Variants in ATXN1 observed in about 807,000 individuals in gnomAD.
ATXN1 encodes the protein ataxin 1.
ATXN1 carries 8 observed loss-of-function variants against 56.4 expected under a neutral mutation model. The ratio of observed to expected loss-of-function variants is 0.14; its 90% CI spans 0.08 to 0.26. The LOEUF (loss-of-function observed/expected upper bound fraction) is 0.26, where lower values mean the gene tolerates loss of function less well. ATXN1 is among the 10% of genes least tolerant of loss of function. The pLI is 1.00. For synonymous variants in ATXN1, 514 were observed against 494.6 expected, an observed-to-expected ratio of 1.04 and a Z score of -0.52; for missense variants, 987 against 1,106.5, an observed-to-expected ratio of 0.89 and a Z score of 1.53.
chr6:16,684,949 T>A (rs1036554671), intron 2 of ATXN1, among the ~76,000 whole-genome samples: 1 of 151,612 alleles, frequency 6.6e-6, no homozygotes, highest in Non-Finnish European at 1.5e-5. Context: ...GAAGCACAAG[T>A]GAGTGAAATT....
intron 6 of ATXN1, among the ~76,000 whole-genome samples, chr6:16,469,814 T>C (rs1462641013): frequency 6.6e-6 from 1 of 151,814 alleles, no homozygotes; most frequent in East Asian, 1.9e-4. Flanking sequence ...AAATACAAAA[T>C]TAGCCTGGTG....
At chr6:16,702,203 T>C (rs549595806) in intron 2 of ATXN1, among the ~76,000 whole-genome samples, 61 of 152,304 alleles carry the variant, frequency 4.0e-4, no homozygotes, top group Non-Finnish European at 1.8e-4. Context: ...TATCCGATCT[T>C]TGACAAACCT....
intron 7 of ATXN1, among the ~76,000 whole-genome samples, chr6:16,308,743 G>C (rs185054322): frequency 2.0e-5 from 3 of 152,268 alleles, no homozygotes; most frequent in Admixed American, 1.3e-4. Context: ...TTTAAAAAAG[G>C]GGGGTGGTGG....
At chr6:16,524,674 C>A (rs1209787533) in intron 4 of ATXN1, among the ~76,000 whole-genome samples, 1 of 152,200 alleles carries the variant, frequency 6.6e-6, no homozygotes, top group African/African-American at 2.4e-5. Flanking sequence ...AACAAAAAGG[C>A]ATTATCACCA....
At chr6:16,693,962 T>C (rs907588972) in intron 2 of ATXN1, among the ~76,000 whole-genome samples, 11 of 152,220 alleles carry the variant, frequency 7.2e-5, no homozygotes, top group African/African-American at 2.4e-4. Context: ...TCAAAAGAAC[T>C]TGGCCTTGCC....
chr6:16,573,130 T>C (rs1037718765), intron 4 of ATXN1, among the ~76,000 whole-genome samples: 5 of 152,188 alleles, frequency 3.3e-5, no homozygotes, highest in Non-Finnish European at 7.4e-5. Context: ...ATTCATTCAG[T>C]CTAGCCTAAG....
intron 5 of ATXN1, among the ~76,000 whole-genome samples, chr6:16,513,848 C>G (rs1394434011): frequency 6.6e-6 from 1 of 152,062 alleles, no homozygotes; most frequent in Non-Finnish European, 1.5e-5. Context: ...CACCTCTGCC[C>G]AGAGGTGGCT....
At chr6:16,380,483 T>C (rs1241069610) in intron 6 of ATXN1, among the ~76,000 whole-genome samples, 1 of 152,068 alleles carries the variant, frequency 6.6e-6, no homozygotes, top group Non-Finnish European at 1.5e-5. Flanking sequence ...GTGACTTTTT[T>C]TTTTTTTTAA....
At chr6:16,586,080 C>G (rs776958894) in intron 3 of ATXN1, among the ~76,000 whole-genome samples, 173 bp from the exon 4 acceptor site, 1 of 150,246 alleles carries the variant, frequency 6.7e-6, no homozygotes, top group Non-Finnish European at 1.5e-5. Context: ...GTTTTTAAAT[C>G]AGAATGTCAA....
chr6:16,381,058 G>C (rs575728225), intron 6 of ATXN1, among the ~76,000 whole-genome samples: 1 of 152,150 alleles, frequency 6.6e-6, no homozygotes, highest in Admixed American at 6.5e-5. Context: ...TTGGGAGGTC[G>C]AGGCAGGCGG....
At chr6:16,443,650 G>C (rs1759568840) in intron 6 of ATXN1, among the ~76,000 whole-genome samples, 2 of 152,182 alleles carry the variant, frequency 1.3e-5, no homozygotes, top group African/African-American at 4.8e-5. Flanking sequence ...TTTTTGTTCG[G>C]AAATTATTGC....
chr6:16,726,071 C>T (rs1759841837), intron 2 of ATXN1, among the ~76,000 whole-genome samples: 1 of 152,128 alleles, frequency 6.6e-6, no homozygotes, highest in African/African-American at 2.4e-5. Flanking sequence ...CTTCTTATAC[C>T]CTGTGAACTG....
At chr6:16,546,655 T>C (rs1021151182) in intron 4 of ATXN1, among the ~76,000 whole-genome samples, 2 of 152,214 alleles carry the variant, frequency 1.3e-5, no homozygotes, top group Non-Finnish European at 2.9e-5. Context: ...ATATAATTAC[T>C]TCTGACATAC....
At chr6:16,395,312 C>T (rs1195174600) in intron 6 of ATXN1, among the ~76,000 whole-genome samples, 1 of 143,354 alleles carries the variant, frequency 7.0e-6, no homozygotes, top group Non-Finnish European at 1.5e-5. Flanking sequence ...AACAAAAACT[C>T]ATCATCATCC....
At chr6:16,367,711 G>C (rs553875418) in intron 6 of ATXN1, among the ~76,000 whole-genome samples, 1 of 137,944 alleles carries the variant, frequency 7.2e-6, no homozygotes, top group African/African-American at 3.4e-5. Flanking sequence ...TGCCTTGCAA[G>C]AAGGTATGCC....
At chr6:16,330,447 T>C (rs1035993390) in intron 6 of ATXN1, among the ~76,000 whole-genome samples, 38 of 146,076 alleles carry the variant, frequency 2.6e-4, no homozygotes, top group Non-Finnish European at 4.6e-4. Context: ...TGAAGTGCAG[T>C]GGCGTGATCT....
intron 2 of ATXN1, among the ~76,000 whole-genome samples, chr6:16,673,385 T>A (rs1374953755): frequency 6.6e-6 from 1 of 152,182 alleles, no homozygotes; most frequent in Non-Finnish European, 1.5e-5. Context: ...CCCGGGTAGT[T>A]TATTTTCATG....
intron 3 of ATXN1, among the ~76,000 whole-genome samples, chr6:16,640,288 G>A (rs1225261574): frequency 6.6e-6 from 1 of 152,148 alleles, no homozygotes. Flanking sequence ...CCCATATAAG[G>A]TAATGAACTT....
intron 3 of ATXN1, among the ~76,000 whole-genome samples, chr6:16,640,919 A>G (rs1461750261): frequency 2.0e-5 from 3 of 152,238 alleles, no homozygotes; most frequent in Admixed American, 1.3e-4. Context: ...GTTCTTGAAG[A>G]AAATTAAAAG....
Sources: allele counts gnomAD v4.1 joint callset (sites outside exome capture counted in the v4.1 genomes callset), GRCh38; gene constraint gnomAD v4.1.1; transcripts MANE v1.5; gene names NCBI Gene and HGNC (gene_info 2026-07-23, HGNC 2026-07-21).